CPED1: variants seen among roughly 807,000 people sequenced by gnomAD.
CPED1 encodes the protein cadherin-like and PC-esterase domain-containing protein 1.
In CPED1, 114 loss-of-function variants were observed where a neutral mutation model predicts 128.2. The observed-to-expected ratio is 0.89, with a 90% confidence interval of 0.76 to 1.04. The LOEUF (loss-of-function observed/expected upper bound fraction) is 1.04. CPED1 is among the 50% of genes least tolerant of loss of function. CPED1 has a pLI of 0.00. For missense variants in CPED1, 1,211 were observed against 1,207.1 expected (o/e 1.00, Z -0.05); for synonymous variants, 462 against 426.7 (o/e 1.08, Z -1.02).
At chr7:121,112,719 G>A (rs747652556) in intron 7 of CPED1, among the ~76,000 whole-genome samples, 22 of 152,128 alleles carry the variant, frequency 1.4e-4, no homozygotes, top group Non-Finnish European at 5.9e-5. Flanking sequence ...ACATGAATAA[G>A]CCAAGATTAA....
At chr7:121,015,294 G>A (rs749037912) in intron 2 of CPED1, among the ~76,000 whole-genome samples, 17 of 152,178 alleles carry the variant, frequency 1.1e-4, no homozygotes, top group Admixed American at 5.2e-4. Context: ...ACCTAAAAGA[G>A]CTATTAAAAG....
At chr7:120,993,906 GT>G (rs1187979236) in intron 2 of CPED1, 19 of 275,006 alleles carry the variant, frequency 6.9e-5, no homozygotes, top group African/African-American at 2.1e-4. Context: ...TGCAGGTTGA[GT>G]TTTTTGGCTT....
chr7:121,070,953 G>A (rs1223115217), intron 5 of CPED1, among the ~76,000 whole-genome samples: 1 of 152,112 alleles, frequency 6.6e-6, no homozygotes, highest in Non-Finnish European at 1.5e-5. Flanking sequence ...GTTCTGACTT[G>A]ATCCAGGGAC....
intron 7 of CPED1, among the ~76,000 whole-genome samples, chr7:121,110,969 G>C (rs1022403343): frequency 6.6e-6 from 1 of 152,186 alleles, no homozygotes; most frequent in Admixed American, 6.5e-5. Flanking sequence ...TGGTGTTGGG[G>C]TGTGAGAGGC....
chr7:121,155,083 C>A (rs1760194159), intron 16 of CPED1, among the ~76,000 whole-genome samples: 1 of 151,786 alleles, frequency 6.6e-6, no homozygotes, highest in Non-Finnish European at 1.5e-5. Flanking sequence ...CAGCAAACAA[C>A]CTGAAAAAGA....
At chr7:121,120,966 T>TAAAAAAAAAAAAAAAAAAAAAAAAAAAA in intron 7 of CPED1, among the ~76,000 whole-genome samples, 1 of 91,656 alleles carries the variant, frequency 1.1e-5, no homozygotes, top group Non-Finnish European at 2.2e-5. Flanking sequence ...GTTCCTGACC[T>TAAAAAAAAAAAAAAAAAAAAAAAAAAAA]AAAAAAAAAA....
chr7:121,054,497 T>G (rs1260583777), intron 4 of CPED1, among the ~76,000 whole-genome samples: 1 of 152,196 alleles, frequency 6.6e-6, no homozygotes, highest in African/African-American at 2.4e-5. Context: ...CTTGTCTTTT[T>G]GTCTAATAAT....
chr7:121,105,507 G>A (rs1229514759), intron 7 of CPED1, among the ~76,000 whole-genome samples: 3 of 152,100 alleles, frequency 2.0e-5, no homozygotes, highest in Non-Finnish European at 1.5e-5. Context: ...ATTTATGTCA[G>A]CTGTAGAAAG....
At chr7:121,295,212 G>A (rs1686960727) in intron 22 of CPED1, among the ~76,000 whole-genome samples, 1 of 151,426 alleles carries the variant, frequency 6.6e-6, no homozygotes, top group African/African-American at 2.4e-5. Flanking sequence ...CTGTTCCTTA[G>A]TTGCATTGGA....
chr7:121,204,923 T>C (rs1797484990), intron 16 of CPED1, among the ~76,000 whole-genome samples: 1 of 152,120 alleles, frequency 6.6e-6, no homozygotes, highest in South Asian at 2.1e-4. Flanking sequence ...AAGAGGGTCA[T>C]TGCCTAATCC....
intron 5 of CPED1, among the ~76,000 whole-genome samples, chr7:121,086,854 C>T (rs1794437013): frequency 6.6e-6 from 1 of 152,036 alleles, no homozygotes; most frequent in African/African-American, 2.4e-5. Context: ...TTGAGTTTAC[C>T]CTCTCTCCTA....
intron 22 of CPED1, among the ~76,000 whole-genome samples, chr7:121,285,308 C>T (rs1312980819): frequency 6.6e-6 from 1 of 152,162 alleles, no homozygotes; most frequent in Non-Finnish European, 1.5e-5. Flanking sequence ...GTCCTCCAGT[C>T]CTGTGATGGG....
chr7:121,052,187 C>T (rs1743972241), intron 4 of CPED1, among the ~76,000 whole-genome samples: 1 of 152,140 alleles, frequency 6.6e-6, no homozygotes. Flanking sequence ...AAAATCTCTC[C>T]CCACAGCTGT....
chr7:121,164,720 C>CT (rs996056904), intron 16 of CPED1, among the ~76,000 whole-genome samples: 6 of 152,154 alleles, frequency 3.9e-5, no homozygotes, highest in African/African-American at 1.4e-4. Flanking sequence ...GGTGCATTCT[C>CT]TTTTCAATAC....
chr7:121,010,733 TC>T (rs911306902), intron 2 of CPED1, among the ~76,000 whole-genome samples: 5 of 152,092 alleles, frequency 3.3e-5, no homozygotes, highest in African/African-American at 1.2e-4. Context: ...TGTGTAGCCC[TC>T]CCATCATCAG....
intron 7 of CPED1, among the ~76,000 whole-genome samples, chr7:121,115,697 A>T (rs748539695): frequency 6.6e-6 from 1 of 152,332 alleles, no homozygotes; most frequent in South Asian, 2.1e-4. Context: ...CCGGATTTCA[A>T]TGCCATCTTC....
chr7:121,062,726 A>G (rs1422914305), intron 4 of CPED1: 1 of 152,162 alleles, frequency 6.6e-6, no homozygotes, highest in Non-Finnish European at 1.5e-5. Context: ...TATAGCTCCC[A>G]TAATTCCCAC....
intron 16 of CPED1, among the ~76,000 whole-genome samples, chr7:121,154,051 T>C (rs1306128467): frequency 6.6e-6 from 1 of 152,114 alleles, no homozygotes; most frequent in Non-Finnish European, 1.5e-5. Flanking sequence ...TCCAGAGAAA[T>C]ATAAACAAAT....
chr7:121,208,806 C>A (rs1320546202), intron 16 of CPED1, among the ~76,000 whole-genome samples: 2 of 151,996 alleles, frequency 1.3e-5, no homozygotes, highest in African/African-American at 2.4e-5. Flanking sequence ...GGGGCAGCAT[C>A]TGATGCAGCA....
Sources: gnomAD v4.1 joint callset for allele counts (sites outside exome capture counted in the v4.1 genomes callset) on GRCh38, gnomAD v4.1.1 for gene constraint, MANE v1.5 for transcripts, NCBI Gene and HGNC (gene_info 2026-07-23, HGNC 2026-07-21) for gene names.